Variants in ATXN10 observed in about 807,000 individuals in gnomAD.
ATXN10 encodes the protein ataxin 10, also known as ataxin-10.
In ATXN10, 28 loss-of-function variants were observed where a neutral mutation model predicts 52.9. The observed-to-expected ratio is 0.53, with a 90% CI of 0.39 to 0.73. The LOEUF (loss-of-function observed/expected upper bound fraction) is 0.73. ATXN10 is among the 30% of genes least tolerant of loss of function. ATXN10 has a pLI of 0.00. For missense variants in ATXN10, 565 were observed against 577.0 expected, an observed-to-expected ratio of 0.98 and a Z score of 0.21; for synonymous variants, 226 against 221.5, an observed-to-expected ratio of 1.02 and a Z score of -0.18.
chr22:45,709,547 G>T (rs1040558492), intron 5 of ATXN10, among the ~76,000 whole-genome samples: 5 of 152,132 alleles, frequency 3.3e-5, no homozygotes, highest in Non-Finnish European at 7.4e-5. Flanking sequence ...TGCTTCCTGT[G>T]TTGGCTCCTG....
rs959515483 is a variant in ATXN10, at chr22:45,696,360, A to T, written c.391+3282A>T. On this transcript the variant is annotated intron_variant, in intron 3 of 11. Coordinates refer to ENST00000252934, the MANE Select transcript of ATXN10 (RefSeq NM_013236.4). This position sits in a 1 kb window ranked among gnomAD's most constrained non-coding sequence, Gnocchi z 4.7. ...CTGTGTTTTATAATTGGTGATCCTG[A>T]TGGGGCGGGCAGTGTGGCGCTCCAG... is the stretch of plus-strand genomic sequence containing the variant. Among the ~76,000 whole-genome samples, 1 of 152,204 alleles carries T rather than the reference A, an allele frequency of 6.6e-6. No individual in the cohort carries two copies. Among genetic ancestry groups the T allele is most frequent in the African/African-American group, 2.4e-5 (1 of 41,454 alleles).
Position 45,678,680 on chromosome 22 carries a change from A to G in ATXN10, c.116+6501A>G, listed in dbSNP as rs1267739675. Reference sequence around the variant, plus strand: ...ATGTTGAACTGAACTGAATAGAGCAATGAAGAGCCAGTAGCTCCAGTGAGC... The same window carrying G: ...ATGTTGAACTGAACTGAATAGAGCAGTGAAGAGCCAGTAGCTCCAGTGAGC... On this transcript the variant is annotated intron_variant, in intron 1 of 11. Coordinates refer to ENST00000252934, the MANE Select transcript of ATXN10 (RefSeq NM_013236.4). This position sits in a 1 kb window ranked among gnomAD's most constrained non-coding sequence, Gnocchi z 4.1. 1 of 152,222 alleles carries G rather than the reference A, an allele frequency of 6.6e-6. No individual in the cohort carries two copies. The highest frequency in any genetic ancestry group is 1.5e-5 in the Non-Finnish European group (1 of 68,034). 9.4% of individuals were successfully genotyped at this position (152,222 alleles called of 1,614,324 possible). A position where few individuals can be genotyped will look rare whatever the true frequency, so the allele number is the denominator to read the frequency against.
rs1202462431 is a variant in ATXN10 at position 45,811,670 on chromosome 22, A to C, written c.1237+4648A>C. The C allele has an allele frequency of 8.5e-6, 4 of 468,150 alleles. No homozygotes were observed. The Admixed American group carries it at 9.4e-5, about 11-fold the overall frequency. The allele number at this position is 468,150 out of a possible 1,614,324, so 29.0% of individuals were successfully genotyped here. ...TGTGAGTACATTCTGTGATGTTCACACAATGATGATATTGTCTCTATCCCC... is the reference window on the plus strand; with the variant it reads ...TGTGAGTACATTCTGTGATGTTCACCCAATGATGATATTGTCTCTATCCCC... On this transcript the variant is annotated intron_variant, in intron 10 of 11. Coordinates refer to ENST00000252934, the MANE Select transcript of ATXN10 (RefSeq NM_013236.4).
At position 45,705,174 on chromosome 22, in the gene ATXN10, G is replaced by A. The variant is rs1031182364; in HGVS notation, c.647+2327G>A. Among the ~76,000 whole-genome samples the A allele has an allele frequency of 6.6e-6, 1 of 151,578 alleles. No individual in the cohort carries two copies. Among genetic ancestry groups the A allele is most frequent in the African/African-American group, 2.4e-5 (1 of 41,256 alleles). On this transcript the variant is annotated intron_variant, in intron 5 of 11. Coordinates refer to ENST00000252934, the MANE Select transcript of ATXN10 (RefSeq NM_013236.4). The surrounding 1 kb of genome is among the most constrained non-coding windows in gnomAD (Gnocchi z 5.2). ...CTGGATTCGGTTCATATTTTGTTGG[G>A]GATTTTTGAATCTATATTCATAAGG... is the stretch of plus-strand genomic sequence containing the variant.
At chr22:45,702,439 T>C (rs1923876952) in intron 4 of ATXN10, among the ~76,000 whole-genome samples, 1 of 152,210 alleles carries the variant, frequency 6.6e-6, no homozygotes, top group South Asian at 2.1e-4. Context: ...TTTTCTCTAA[T>C]GGTAAGTTAT....
At chr22:45,756,826 G>T (rs948981601) in intron 9 of ATXN10, among the ~76,000 whole-genome samples, 1 of 152,122 alleles carries the variant, frequency 6.6e-6, no homozygotes, top group African/African-American at 2.4e-5. Context: ...TGATTCATTG[G>T]TATTTATTTG....
At chr22:45,673,864 A>G (rs1174795024) in intron 1 of ATXN10, 2 of 151,256 alleles carry the variant, frequency 1.3e-5, no homozygotes. Context: ...TGAGACAATT[A>G]AGTAACATAG....
intron 9 of ATXN10, among the ~76,000 whole-genome samples, chr22:45,777,722 A>T (rs1927009057): frequency 6.6e-6 from 1 of 152,210 alleles, no homozygotes; most frequent in Non-Finnish European, 1.5e-5. Flanking sequence ...ATGTCTGTGC[A>T]CTTGCACGCA....
intron 1 of ATXN10, chr22:45,689,434 C>T (rs1433127606): frequency 3.3e-5 from 15 of 459,518 alleles, no homozygotes; most frequent in Non-Finnish European, 3.6e-5. Flanking sequence ...ACCATCTCTA[C>T]TTCACTTACC....
At chr22:45,729,975 T>C (rs1283172040) in intron 7 of ATXN10, among the ~76,000 whole-genome samples, 2 of 152,184 alleles carry the variant, frequency 1.3e-5, no homozygotes, top group East Asian at 3.8e-4. Context: ...CATAGTACTA[T>C]GTATATGGTA....
At chr22:45,764,483 C>T (rs1324477270) in intron 9 of ATXN10, among the ~76,000 whole-genome samples, 3 of 152,174 alleles carry the variant, frequency 2.0e-5, no homozygotes, top group Non-Finnish European at 2.9e-5. Context: ...GTTTGTTTGG[C>T]CTCATCCTTT....
Position 45,715,135 on chromosome 22 carries a change from T to G in ATXN10, c.648-3278T>G, listed in dbSNP as rs1924396883. Among the ~76,000 whole-genome samples the G allele has an allele frequency of 6.6e-6, 1 of 152,240 alleles. No individual in the cohort carries two copies. The highest frequency in any genetic ancestry group is 1.5e-5 in the Non-Finnish European group (1 of 68,036). On this transcript the variant is annotated intron_variant, in intron 5 of 11. Transcript: ENST00000252934. This position sits in a 1 kb window ranked among gnomAD's most constrained non-coding sequence, Gnocchi z 4.4. ...GTCCTTGAGGATTTTATGAACATAT[T>G]GATCAAATCACATTTATTGAACATT... is the stretch of plus-strand genomic sequence containing the variant.
intron 5 of ATXN10, among the ~76,000 whole-genome samples, chr22:45,709,196 A>G (rs1043994174): frequency 6.6e-6 from 1 of 152,212 alleles, no homozygotes; most frequent in African/African-American, 2.4e-5. Context: ...CACAACAGCC[A>G]TGCATTCCAC....
chr22:45,704,186 C>T (rs539755658), intron 5 of ATXN10: 12 of 149,452 alleles, frequency 8.0e-5, no homozygotes, highest in South Asian at 2.1e-4. Context: ...TCTTGATTAC[C>T]GTAATTTTAT....
At position 45,759,437 on chromosome 22, in the gene ATXN10, G is replaced by A. The variant is rs571229603; in HGVS notation, c.1173+18899G>A. 1.1e-4 allele frequency among the ~76,000 whole-genome samples: 16 copies of A among 152,264 alleles called. No homozygotes were observed. The South Asian group carries it at 2.7e-3, about 26-fold the overall frequency. On this transcript the variant is annotated intron_variant, in intron 9 of 11. Coordinates refer to ENST00000252934, the MANE Select transcript of ATXN10 (RefSeq NM_013236.4). This position sits in a 1 kb window ranked among gnomAD's most constrained non-coding sequence, Gnocchi z 5.4. The stretch of plus-strand genomic sequence containing the variant: ...TGAGGCGGGAGAATCACCTGAACTC[G>A]GGAGGCAGAGGTTGCAGTGAGCCGA...
At chr22:45,830,838 A>G (rs1312657647) in intron 10 of ATXN10, among the ~76,000 whole-genome samples, 6 of 152,196 alleles carry the variant, frequency 3.9e-5, no homozygotes, top group Admixed American at 3.9e-4. Context: ...TACTATATAT[A>G]TGATTTAGCA....
rs1923033173 is a variant in ATXN10, at chr22:45,684,056, GT to G, written c.117-5655del. ...AGCCTTGAACTCCTGGGTTCAAGCA[GT>G]CCTTCTGCATCAGGCTCCCAAGTAG... On this transcript the variant is annotated intron_variant, in intron 1 of 11. Transcript: ENST00000252934. The surrounding 1 kb of genome is among the most constrained non-coding windows in gnomAD (Gnocchi z 4.1). Among the ~76,000 whole-genome samples the G allele has an allele frequency of 6.6e-6, 1 of 151,990 alleles. No homozygotes were observed. Among genetic ancestry groups the G allele is most frequent in the Admixed American group, 6.6e-5 (1 of 15,252 alleles).
intron 10 of ATXN10, among the ~76,000 whole-genome samples, chr22:45,810,193 G>A (rs1278317195): frequency 3.3e-5 from 5 of 152,160 alleles, no homozygotes; most frequent in Non-Finnish European, 1.5e-5. Flanking sequence ...GTTCACTGTA[G>A]CGCCACCTTT....
intron 9 of ATXN10, among the ~76,000 whole-genome samples, chr22:45,803,530 A>G (rs1445281744): frequency 1.3e-5 from 2 of 152,114 alleles, no homozygotes; most frequent in Non-Finnish European, 2.9e-5. Flanking sequence ...AGATGCACCT[A>G]TGTTCCAGAA....
Sources: gnomAD v4.1 joint callset for allele counts (sites outside exome capture counted in the v4.1 genomes callset) on GRCh38, gnomAD v4.1.1 for gene constraint, Gnocchi (gnomAD v3.1) non-coding constraint, MANE v1.5 for transcripts, NCBI Gene and HGNC (gene_info 2026-07-23, HGNC 2026-07-21) for gene names.